LRRIQ1: variants seen among roughly 807,000 people sequenced by gnomAD.
The protein encoded by LRRIQ1 is leucine-rich repeat- and IQ domain-containing protein 1.
In LRRIQ1, 210 loss-of-function variants were observed where a neutral mutation model predicts 211.9. The observed-to-expected ratio is 0.99, with a 90% CI of 0.89 to 1.11. LRRIQ1 has a LOEUF of 1.11. Among genes scored for constraint, LRRIQ1 ranks in the 50% most tolerant of loss-of-function variants. The pLI, the probability that LRRIQ1 is intolerant of heterozygous loss-of-function variation, is 0.00. For missense variants in LRRIQ1, 2,136 were observed against 1,939.5 expected (o/e 1.10, Z -1.90); for synonymous variants, 699 against 650.1 (o/e 1.08, Z -1.14).
intron 11 of LRRIQ1, among the ~76,000 whole-genome samples, chr12:85,097,442 T>C (rs1476662699): frequency 1.3e-5 from 2 of 149,346 alleles, no homozygotes; most frequent in African/African-American, 4.9e-5. Context: ...CAGTGTGTGA[T>C]GTTCCCCCCG....
chr12:85,068,449 A>G (rs755606125), intron 10 of LRRIQ1, among the ~76,000 whole-genome samples: 17 of 151,924 alleles, frequency 1.1e-4, no homozygotes, highest in Non-Finnish European at 1.8e-4. Flanking sequence ...GAAATTCCAT[A>G]TAACCATTAG....
intron 11 of LRRIQ1, among the ~76,000 whole-genome samples, chr12:85,090,845 G>A (rs1374708248): frequency 3.9e-5 from 6 of 152,108 alleles, no homozygotes; most frequent in African/African-American, 1.4e-4. Flanking sequence ...ATGTGAGAAG[G>A]ACATGATATT....
intron 24 of LRRIQ1, among the ~76,000 whole-genome samples, chr12:85,191,702 A>AAG (rs1002497389): frequency 6.6e-6 from 1 of 151,996 alleles, no homozygotes; most frequent in Admixed American, 6.6e-5. Context: ...ATTGTATGGC[A>AAG]AGAGTGTGTT....
chr12:85,259,093 T>C (rs1364718565), intron 1 of LRRIQ1, among the ~76,000 whole-genome samples: 3 of 152,004 alleles, frequency 2.0e-5, no homozygotes, highest in South Asian at 4.1e-4. Flanking sequence ...AGCATAATCA[T>C]CAAGACATAG....
chr12:85,119,511 T>C (rs143512356), intron 15 of LRRIQ1, among the ~76,000 whole-genome samples: 5 of 152,300 alleles, frequency 3.3e-5, no homozygotes, highest in African/African-American at 1.2e-4. Context: ...TTTCAATTCA[T>C]TTGAATAAAT....
intron 11 of LRRIQ1, among the ~76,000 whole-genome samples, chr12:85,088,170 T>C (rs1360850177): frequency 2.0e-5 from 3 of 152,246 alleles, no homozygotes; most frequent in South Asian, 2.1e-4. Flanking sequence ...ATATGGCTAG[T>C]CAGTTTTCCC....
Position 85,154,920 on chromosome 12 carries a change from A to G in LRRIQ1, c.4720+826A>G, listed in dbSNP as rs112654433. On this transcript the variant is annotated intron_variant, in intron 23 of 26. Coordinates refer to ENST00000393217, the MANE Select transcript of LRRIQ1 (RefSeq NM_001079910.2). The stretch of plus-strand genomic sequence containing the variant: ...TATACTTTTCCTATAGATCTAGCTT[A>G]TGTAATCATATGAAAAAATATTTCA... Among the ~76,000 whole-genome samples the G allele has an allele frequency of 3.3e-5, 5 of 151,350 alleles. 1 individual carries two copies. The highest frequency in any genetic ancestry group is 1.2e-4 in the African/African-American group (5 of 41,490).
intron 15 of LRRIQ1, 135 bp from the exon 16 acceptor site, chr12:85,121,562 C>T: frequency 1.7e-6 from 1 of 598,932 alleles, no homozygotes. Context: ...CTAACTCTAT[C>T]ATTTTCCCTA....
In LRRIQ1 at chr12:85,131,921, C is replaced by T. The variant is rs553346680; in HGVS notation, c.4209+3888C>T. Among the ~76,000 whole-genome samples, 13 of 152,212 alleles carry T rather than the reference C, an allele frequency of 8.5e-5. No homozygotes were observed. In the South Asian group the frequency reaches 2.7e-3, roughly 32 times the overall value. ...AGTTAGAAGAAGAATATGAATATTACTTACCCACATGTTTACATGACCATT... is the reference window on the plus strand; with the variant it reads ...AGTTAGAAGAAGAATATGAATATTATTTACCCACATGTTTACATGACCATT... On this transcript the variant is annotated intron_variant, in intron 18 of 26. Coordinates refer to ENST00000393217, the MANE Select transcript of LRRIQ1 (RefSeq NM_001079910.2).
At chr12:85,133,796 T>TGG (rs1282416552) in intron 18 of LRRIQ1, among the ~76,000 whole-genome samples, 1 of 152,106 alleles carries the variant, frequency 6.6e-6, no homozygotes, top group Admixed American at 6.6e-5. Flanking sequence ...CACAGCTTTT[T>TGG]GGGAAGAAGG....
chr12:85,040,471 G>T lies in LRRIQ1; in HGVS notation c.133-19G>T, dbSNP rs1878736770. ...ATAATAAACACTTTCACAGTTTCTT[G>T]TATTATTCAAATTTTTAGGATTCAG... On this transcript the variant is annotated intron_variant, in intron 2 of 26. Coordinates refer to ENST00000393217, the MANE Select transcript of LRRIQ1 (RefSeq NM_001079910.2). 7.0e-7 allele frequency: 1 copy of T among 1,427,516 alleles called. No homozygotes were observed. The highest frequency in any genetic ancestry group is 9.6e-7 in the Non-Finnish European group (1 of 1,041,518). 88.4% of individuals were successfully genotyped at this position (1,427,516 alleles called of 1,614,324 possible).
intron 18 of LRRIQ1, among the ~76,000 whole-genome samples, chr12:85,132,537 T>G (rs931201312): frequency 2.0e-5 from 3 of 152,022 alleles, no homozygotes; most frequent in Non-Finnish European, 4.4e-5. Context: ...GGAGGCCAAG[T>G]TGGACAGATT....
intron 19 of LRRIQ1, among the ~76,000 whole-genome samples, chr12:85,145,888 T>C (rs1889862247): frequency 6.6e-6 from 1 of 151,738 alleles, no homozygotes; most frequent in Non-Finnish European, 1.5e-5. Flanking sequence ...GCAGAATTGT[T>C]AGAGATCCAT....
Position 85,073,108 on chromosome 12 carries a change from G to T in LRRIQ1, c.2887+10G>T. On this transcript the variant is annotated intron_variant, in intron 11 of 26. Transcript: ENST00000393217. The stretch of plus-strand genomic sequence containing the variant: ...CACTTATACTGGAATTGTAAGTTGT[G>T]TTTATTTTTTATTTTGTTACTCTTT... The T allele has an allele frequency of 1.3e-6, 2 of 1,572,848 alleles. No homozygotes were observed. Among genetic ancestry groups the T allele is most frequent in the South Asian group, 1.1e-5 (1 of 87,974 alleles).
chr12:85,212,626 C>A (rs981645287), intron 24 of LRRIQ1, among the ~76,000 whole-genome samples: 2 of 151,108 alleles, frequency 1.3e-5, no homozygotes, highest in African/African-American at 4.9e-5. Flanking sequence ...TAAATTGAGT[C>A]AAAATGTTCT....
At chr12:85,226,529 T>C (rs1894662240) in intron 24 of LRRIQ1, among the ~76,000 whole-genome samples, 1 of 150,096 alleles carries the variant, frequency 6.7e-6, no homozygotes. Context: ...TTTTTCTACT[T>C]CCTTTTTTTT....
At chr12:85,111,078 AAT>A in intron 15 of LRRIQ1, among the ~76,000 whole-genome samples, 1 of 152,238 alleles carries the variant, frequency 6.6e-6, no homozygotes, top group Non-Finnish European at 1.5e-5. Context: ...TGTGTGGTTC[AAT>A]ACTAGATTAT....
Position 85,038,134 on chromosome 12 carries a change from T to G in LRRIQ1, c.-24-19T>G. On this transcript the variant is annotated intron_variant, in intron 1 of 26. Transcript: ENST00000393217. ...CATAATTTTTAGTGACATATTAGCC[T>G]CTTCATTTTTTAAAGCAGTTCTGTG... 2.1e-6 allele frequency: 3 copies of G among 1,401,500 alleles called. No individual in the cohort carries two copies. Among genetic ancestry groups the G allele is most frequent in the Non-Finnish European group, 1.9e-6 (2 of 1,067,264 alleles). 86.8% of individuals were successfully genotyped at this position (1,401,500 alleles called of 1,614,324 possible). A position where few individuals can be genotyped will look rare whatever the true frequency, so the allele number is the denominator to read the frequency against.
In LRRIQ1 at chr12:85,121,859, T is replaced by G; in HGVS notation, c.3540T>G (p.Asn1180Lys). Residue 1180 changes from asparagine to lysine, a missense_variant, in exon 16 of 27, where the codon AAT (asparagine) becomes AAG (lysine). Coordinates refer to ENST00000393217, the MANE Select transcript of LRRIQ1 (RefSeq NM_001079910.2). ...GAGAATTCAACTTGCTAATTGAAAA[T>G]TATATAACTGGAAAAGGGTAAGATT... ...QIREFNLLIE[N>K]YITGKGDVFT... 5 of 1,604,744 alleles carry G rather than the reference T, an allele frequency of 3.1e-6. No homozygotes were observed. Among genetic ancestry groups the G allele is most frequent in the Non-Finnish European group, 4.3e-6 (5 of 1,176,140 alleles).
Sources: gnomAD v4.1 joint callset for allele counts (sites outside exome capture counted in the v4.1 genomes callset) on GRCh38, gnomAD v4.1.1 for gene constraint, MANE v1.5 for transcripts, NCBI Gene and HGNC (gene_info 2026-07-23, HGNC 2026-07-21) for gene names.